The following PKP1 variants were observed in gnomAD, a reference collection of about 807,000 sequenced individuals.
PKP1 encodes plakophilin 1, also known as plakophilin-1.
PKP1 carries 27 observed loss-of-function variants against 76.4 expected under a neutral mutation model. The ratio of observed to expected loss-of-function variants is 0.35; its 90% CI spans 0.26 to 0.49. PKP1 has a LOEUF of 0.49. PKP1 is among the 20% of genes least tolerant of loss of function. PKP1 has a pLI of 0.99. For missense variants in PKP1, 964 were observed against 955.2 expected, an observed-to-expected ratio of 1.01 and a Z score of -0.12; for synonymous variants, 404 against 384.2, an observed-to-expected ratio of 1.05 and a Z score of -0.60.
chr1:201,317,910 T>G (rs537799553), intron 5 of PKP1, 131 bp downstream of exon 5: 1 of 885,538 alleles, frequency 1.1e-6, no homozygotes, highest in African/African-American at 1.6e-5. Context: ...GGCCCAGGGC[T>G]AATATCCTGA....
intron 2 of PKP1, among the ~76,000 whole-genome samples, chr1:201,299,192 T>C (rs1012563401): frequency 6.6e-6 from 1 of 152,232 alleles, no homozygotes; most frequent in Non-Finnish European, 1.5e-5. Flanking sequence ...GAATAAGCCC[T>C]GGACTTTGGC....
At position 201,316,594 on chromosome 1, in the gene PKP1, C is replaced by T; in HGVS notation, c.743C>T (p.Pro248Leu). 6.2e-7 allele frequency: 1 copy of T among 1,612,068 alleles called. No homozygotes were observed. Among genetic ancestry groups the T allele is most frequent in the Non-Finnish European group, 8.5e-7 (1 of 1,179,156 alleles). Residue 248 changes from proline (P) to leucine (L), a missense_variant, in exon 4 of 14, where the codon CCC becomes CTC. Physicochemically the swap from Pro to Leu is moderately conservative, Grantham distance 98. Coordinates refer to ENST00000367324, the MANE Select transcript of PKP1 (RefSeq NM_001005337.3). Reference protein sequence around the residue: ...EDIECSGLTIPKAVQYLSSQD... With the variant: ...EDIECSGLTILKAVQYLSSQD... ...ATCGAGTGCAGTGGGCTGACCATCC[C>T]CAAGGCTGTGCAGTACCTGAGCTCC... is the stretch of plus-strand genomic sequence containing the variant.
intron 1 of PKP1, among the ~76,000 whole-genome samples, chr1:201,289,076 C>A (rs146142021): frequency 6.6e-6 from 1 of 152,216 alleles, no homozygotes; most frequent in African/African-American, 2.4e-5. Flanking sequence ...GGCATGTCCA[C>A]GGTGCTCCCA....
At chr1:201,328,391 A>T (rs1056958639) in intron 12 of PKP1, 17 of 347,050 alleles carry the variant, frequency 4.9e-5, no homozygotes, top group African/African-American at 8.5e-5. Context: ...AGAATTGTTT[A>T]AAAAAAGAAA....
chr1:201,287,086 C>T (rs531964363), intron 1 of PKP1, among the ~76,000 whole-genome samples: 1 of 152,328 alleles, frequency 6.6e-6, no homozygotes, highest in South Asian at 2.1e-4. Context: ...CTTTGTCTCA[C>T]TGCCTGCTTA....
At chr1:201,292,407 G>T (rs1392157897) in intron 1 of PKP1, among the ~76,000 whole-genome samples, 2 of 152,176 alleles carry the variant, frequency 1.3e-5, no homozygotes, top group East Asian at 1.9e-4. Context: ...TAGGCCCCCA[G>T]GGCAAGCTGT....
At chr1:201,286,112 G>A (rs1209961106) in intron 1 of PKP1, among the ~76,000 whole-genome samples, 2 of 152,120 alleles carry the variant, frequency 1.3e-5, no homozygotes, top group African/African-American at 2.4e-5. Context: ...TTTGCTCTGC[G>A]GCCACCTCTA....
chr1:201,328,481 A>C (rs900122038), intron 12 of PKP1: 2 of 495,580 alleles, frequency 4.0e-6, no homozygotes, highest in Non-Finnish European at 7.4e-6. Context: ...AAAAAATAAT[A>C]CTAGCCTAAA....
chr1:201,312,552 G>A lies in PKP1; in HGVS notation c.307-614G>A, dbSNP rs993426113. Among the ~76,000 whole-genome samples, 6 of 152,184 alleles carry A rather than the reference G, an allele frequency of 3.9e-5. No individual in the cohort carries two copies. In the South Asian group the frequency reaches 6.2e-4, roughly 16 times the overall value. Reference sequence around the variant, plus strand: ...GACAGCAATTCACAGTAATAAATGCGAAGGATTGTTCTGCCTCAGGTGCCG... The same window carrying A: ...GACAGCAATTCACAGTAATAAATGCAAAGGATTGTTCTGCCTCAGGTGCCG... On this transcript the variant is annotated intron_variant, in intron 2 of 13. Coordinates refer to ENST00000367324, the MANE Select transcript of PKP1 (RefSeq NM_001005337.3).
intron 13 of PKP1, among the ~76,000 whole-genome samples, chr1:201,329,510 G>A (rs749164446): frequency 4.1e-4 from 63 of 152,162 alleles, no homozygotes; most frequent in Non-Finnish European, 5.7e-4. Flanking sequence ...TTTCTGATGC[G>A]GGTAAACTGA....
chr1:201,287,474 C>T (rs908128262), intron 1 of PKP1, among the ~76,000 whole-genome samples: 1 of 152,246 alleles, frequency 6.6e-6, no homozygotes, highest in African/African-American at 2.4e-5. Context: ...ACAGGCATCA[C>T]TTCTGGGGTT....
At chr1:201,284,084 TAAACGCGACCC>T (rs1426918995) in intron 1 of PKP1, among the ~76,000 whole-genome samples, 180 bp downstream of exon 1, 1 of 147,870 alleles carries the variant, frequency 6.8e-6, no homozygotes, top group East Asian at 1.9e-4. Flanking sequence ...TGAGCTGGTG[TAAACGCGACCC>T]GAGGCTGGCT....
At chr1:201,308,362 C>A (rs552621785) in intron 2 of PKP1, among the ~76,000 whole-genome samples, 2 of 152,192 alleles carry the variant, frequency 1.3e-5, no homozygotes, top group Non-Finnish European at 2.9e-5. Context: ...CACAGTCCAC[C>A]TTTCACTGAG....
At chr1:201,294,177 ACT>A (rs2102155200) in intron 2 of PKP1, 132 bp downstream of exon 2, 1 of 715,384 alleles carries the variant, frequency 1.4e-6, no homozygotes, top group African/African-American at 1.7e-5. Flanking sequence ...AGGCTCATCA[ACT>A]CTGACTAGGT....
chr1:201,305,640 C>T (rs935391060), intron 2 of PKP1, among the ~76,000 whole-genome samples: 1 of 152,146 alleles, frequency 6.6e-6, no homozygotes, highest in African/African-American at 2.4e-5. Context: ...AGCCTTTGGC[C>T]CTCCTCTTCC....
In PKP1 at chr1:201,313,276, C is replaced by T. The variant is rs374045033; in HGVS notation, c.417C>T (p.Gly139=). ...HYPRGSCNTT[G]AGSDICFMQK... Reference sequence around the variant, plus strand: ...CCCGGGGCAGCTGTAACACCACCGGCGCAGGCAGCGACATCTGCTTCATGC... The same window carrying T: ...CCCGGGGCAGCTGTAACACCACCGGTGCAGGCAGCGACATCTGCTTCATGC... The change falls in exon 3 of 14, where the codon GGC becomes GGT. Residue 139 remains glycine (G), a synonymous_variant. Coordinates refer to ENST00000367324, the MANE Select transcript of PKP1 (RefSeq NM_001005337.3). The T allele has an allele frequency of 3.5e-5, 56 of 1,603,630 alleles. No individual in the cohort carries two copies. In the East Asian group the frequency reaches 4.7e-4, roughly 14 times the overall value.
At chr1:201,322,304 A>G (rs1326386782) in intron 8 of PKP1, among the ~76,000 whole-genome samples, 171 bp downstream of exon 8, 1 of 152,196 alleles carries the variant, frequency 6.6e-6, no homozygotes, top group African/African-American at 2.4e-5. Flanking sequence ...GGAGCTGGGT[A>G]GAGGCCATTC....
intron 12 of PKP1, among the ~76,000 whole-genome samples, chr1:201,327,476 T>C (rs1367766303): frequency 1.3e-5 from 2 of 152,122 alleles, no homozygotes; most frequent in Non-Finnish European, 2.9e-5. Flanking sequence ...AGCACTGCAT[T>C]GAAGATGGGC....
intron 2 of PKP1, among the ~76,000 whole-genome samples, chr1:201,297,575 G>A (rs1034714495): frequency 3.3e-5 from 5 of 152,184 alleles, no homozygotes; most frequent in Non-Finnish European, 7.3e-5. Context: ...GCTGGTTACT[G>A]GTACAGCGGA....
Sources: allele counts gnomAD v4.1 joint callset (sites outside exome capture counted in the v4.1 genomes callset), GRCh38; gene constraint gnomAD v4.1.1; transcripts MANE v1.5; gene names NCBI Gene and HGNC (gene_info 2026-07-23, HGNC 2026-07-21).